NNT: variants seen among roughly 807,000 people sequenced by gnomAD.
NNT encodes the protein nicotinamide nucleotide transhydrogenase.
In NNT, 50 loss-of-function variants were observed where a neutral mutation model predicts 104.8. The ratio of observed to expected loss-of-function variants is 0.48; its 90% CI spans 0.38 to 0.60. The LOEUF is 0.60. Among genes scored for constraint, NNT ranks in the 20% least tolerant of loss-of-function variants. The pLI, the probability that NNT is intolerant of heterozygous loss-of-function variation, is 0.00. For missense variants in NNT, 1,131 were observed against 1,330.7 expected, an observed-to-expected ratio of 0.85 and a Z score of 2.33; for synonymous variants, 461 against 490.4, an observed-to-expected ratio of 0.94 and a Z score of 0.79.
intron 19 of NNT, among the ~76,000 whole-genome samples, chr5:43,679,086 A>G (rs910277112): frequency 1.3e-5 from 2 of 152,134 alleles, no homozygotes; most frequent in Non-Finnish European, 2.9e-5. Flanking sequence ...TTTATTTTTA[A>G]ATTTTTGTAT....
intron 17 of NNT, among the ~76,000 whole-genome samples, chr5:43,668,413 G>T (rs1740841361): frequency 6.6e-6 from 1 of 152,050 alleles, no homozygotes; most frequent in Admixed American, 6.5e-5. Context: ...ATGATTTTAG[G>T]TCTAACATTT....
chr5:43,630,634 T>C (rs1309928693), intron 7 of NNT, among the ~76,000 whole-genome samples: 1 of 152,244 alleles, frequency 6.6e-6, no homozygotes, highest in Non-Finnish European at 1.5e-5. Context: ...TTGTACTCAG[T>C]GCATGACTGA....
intron 10 of NNT, chr5:43,647,859 A>G: frequency 8.8e-6 from 4 of 455,628 alleles, no homozygotes; most frequent in South Asian, 6.2e-5. Flanking sequence ...AATACTTCAC[A>G]TGTCTTAGCT....
At chr5:43,612,444 T>C (rs1749549171) in intron 2 of NNT, among the ~76,000 whole-genome samples, 1 of 152,188 alleles carries the variant, frequency 6.6e-6, no homozygotes, top group Admixed American at 6.5e-5. Context: ...GTGGCCAAAT[T>C]GCCTGGAAGG....
intron 2 of NNT, among the ~76,000 whole-genome samples, chr5:43,611,650 A>G (rs1448865306): frequency 6.6e-6 from 1 of 152,186 alleles, no homozygotes; most frequent in African/African-American, 2.4e-5. Context: ...ACAGTGTTCA[A>G]ATTCAGGTCT....
chr5:43,631,686 A>G lies in NNT; in HGVS notation c.964+3299A>G, dbSNP rs192687297. Among the ~76,000 whole-genome samples, 410 of 152,280 alleles carry G rather than the reference A, an allele frequency of 2.7e-3. 1 individual carries two copies. The highest frequency in any genetic ancestry group is 3.8e-3 in the Non-Finnish European group (257 of 68,024). On this transcript the variant is annotated intron_variant, in intron 7 of 21. Coordinates refer to ENST00000344920, the MANE Select transcript of NNT (RefSeq NM_182977.3). ...GATAGTACTCAAGATTTATTTTATA[A>G]ACACATACTGACTTTCAGGGCCTTC...
intron 17 of NNT, among the ~76,000 whole-genome samples, chr5:43,671,456 G>T (rs981300509): frequency 6.6e-6 from 1 of 152,188 alleles, no homozygotes; most frequent in Non-Finnish European, 1.5e-5. Context: ...GCTTCCTTCA[G>T]GAGCTCTTGT....
Position 43,653,125 on chromosome 5 carries a change from A to G in NNT, c.1971A>G (p.Gly657=). The change falls in exon 14 of 22, where the codon GGA becomes GGG. Residue 657 remains glycine, a synonymous_variant. Transcript: ENST00000344920. ...CACTGGGCATGATTGGGGTTGCTGG[A>G]GGACTGGCAGCCACCCTCGGAGTCC... ...GNALGMIGVA[G]GLAATLGVLK... 6.2e-7 allele frequency: 1 copy of G among 1,614,104 alleles called. No individual in the cohort carries two copies. Among genetic ancestry groups the G allele is most frequent in the Non-Finnish European group, 8.5e-7 (1 of 1,180,008 alleles).
rs139937233 is a variant in NNT at position 43,609,333 on chromosome 5, G to A, written c.138G>A (p.Ala46=). The A allele has an allele frequency of 3.5e-5, 56 of 1,613,578 alleles. No individual in the cohort carries two copies. The highest frequency in any genetic ancestry group is 2.5e-4 in the African/African-American group (19 of 74,882). The change falls in exon 2 of 22, where the codon GCG becomes GCA. Residue 46 remains alanine (A), a synonymous_variant. Coordinates refer to ENST00000344920, the MANE Select transcript of NNT (RefSeq NM_182977.3). ...CTCACCAAGAACTGTGGTGTAAAGC[G>A]CCTGTAAAACCAGGTAAAGTCTCAC... ...FYTHQELWCK[A]PVKPGIPYKQ...
intron 4 of NNT, among the ~76,000 whole-genome samples, chr5:43,616,407 TA>T (rs895371703): frequency 1.3e-5 from 2 of 152,330 alleles, no homozygotes; most frequent in African/African-American, 4.8e-5. Context: ...ACTGTTTTTA[TA>T]GGTCAAAAAT....
intron 11 of NNT, 127 bp from the exon 12 acceptor site, chr5:43,650,350 G>A: frequency 1.7e-6 from 1 of 596,776 alleles, no homozygotes; most frequent in Non-Finnish European, 2.9e-6. Context: ...GTGTAAGAAA[G>A]CTGCCTTGTT....
At chr5:43,681,389 A>AT (rs909527250) in intron 19 of NNT, among the ~76,000 whole-genome samples, 5 of 150,714 alleles carry the variant, frequency 3.3e-5, no homozygotes, top group African/African-American at 9.8e-5. Context: ...CTTTCAACTT[A>AT]TTTTTTTTAA....
At chr5:43,617,821 T>C (rs1224495061) in intron 4 of NNT, among the ~76,000 whole-genome samples, 1 of 152,228 alleles carries the variant, frequency 6.6e-6, no homozygotes, top group Non-Finnish European at 1.5e-5. Context: ...TTGCTGTCAT[T>C]TGAATTCAGG....
intron 17 of NNT, among the ~76,000 whole-genome samples, chr5:43,666,166 A>G (rs1465568616): frequency 3.3e-5 from 5 of 151,604 alleles, no homozygotes; most frequent in African/African-American, 1.2e-4. Context: ...CCAGGCAGAG[A>G]CACTCCTCAC....
intron 18 of NNT, among the ~76,000 whole-genome samples, chr5:43,676,024 T>G (rs917338301): frequency 1.3e-4 from 20 of 152,206 alleles, no homozygotes; most frequent in African/African-American, 4.8e-4. Flanking sequence ...TTTAGCTCAC[T>G]CATTAGAGTT....
rs143161622 is a variant in NNT at position 43,684,006 on chromosome 5, G to A, written c.2876+6200G>A. ...GGGACATGGTTTTATAGAGGACTGC[G>A]TTGATGTTTGCACCAGACCATCTGA... On this transcript the variant is annotated intron_variant, in intron 19 of 21. Coordinates refer to ENST00000344920, the MANE Select transcript of NNT (RefSeq NM_182977.3). 4.3e-3 allele frequency among the ~76,000 whole-genome samples: 654 copies of A among 152,224 alleles called. 8 individuals are homozygous for A. Among genetic ancestry groups the A allele is most frequent in the African/African-American group, 9.1e-3 (378 of 41,512 alleles).
At chr5:43,647,262 T>C (rs1739497413) in intron 10 of NNT, among the ~76,000 whole-genome samples, 1 of 152,216 alleles carries the variant, frequency 6.6e-6, no homozygotes, top group South Asian at 2.1e-4. Context: ...TTGCACTTAT[T>C]TGTTAAAAAA....
rs375405207 is a variant in NNT at position 43,707,310 on chromosome 5, A to T, written c.*2906A>T. On this transcript the variant is annotated 3_prime_UTR_variant, in exon 22 of 22. Coordinates refer to ENST00000344920, the MANE Select transcript of NNT (RefSeq NM_182977.3). ...GTGATAACTAATTGAGGTAATGCAC[A>T]TATTAATTAGAAAGATTTTGTCATT... 1 of 152,330 alleles carries T rather than the reference A, an allele frequency of 6.6e-6. No individual in the cohort carries two copies. The highest frequency in any genetic ancestry group is 1.9e-4 in the East Asian group (1 of 5,192). 9.4% of individuals were successfully genotyped at this position (152,330 alleles called of 1,614,324 possible). A position where few individuals can be genotyped will look rare whatever the true frequency, so the allele number is the denominator to read the frequency against.
intron 17 of NNT, among the ~76,000 whole-genome samples, chr5:43,674,826 A>G (rs1461914687): frequency 1.3e-5 from 2 of 152,114 alleles, no homozygotes; most frequent in African/African-American, 2.4e-5. Context: ...AAGTTCATTT[A>G]TTTTATTTTT....
Sources: allele counts gnomAD v4.1 joint callset (sites outside exome capture counted in the v4.1 genomes callset), GRCh38; gene constraint gnomAD v4.1.1; transcripts MANE v1.5; gene names NCBI Gene and HGNC (gene_info 2026-07-23, HGNC 2026-07-21).